The following HSF2 variants were observed in gnomAD, a reference collection of about 807,000 sequenced individuals.
HSF2 encodes heat shock factor protein 2.
Under a neutral mutation model 65.0 loss-of-function variants are expected in HSF2, and 21 were observed. The ratio of observed to expected loss-of-function variants is 0.32; its 90% CI spans 0.23 to 0.47. The LOEUF is 0.47. Ranked by LOEUF, HSF2 falls within the 20% of genes least tolerant of loss-of-function variation. HSF2 has a pLI of 1.00. For synonymous variants in HSF2, 225 were observed against 219.1 expected (o/e 1.03, Z -0.24); for missense variants, 499 against 628.1 (o/e 0.79, Z 2.20).
intron 1 of HSF2, among the ~76,000 whole-genome samples, chr6:122,411,794 A>G (rs1037375791): frequency 4.6e-5 from 7 of 151,990 alleles, no homozygotes; most frequent in Middle Eastern, 3.4e-3. Flanking sequence ...TCAGTATGCC[A>G]GTACCATGCT....
At chr6:122,408,052 C>T (rs900977705) in intron 1 of HSF2, among the ~76,000 whole-genome samples, 61 of 152,064 alleles carry the variant, frequency 4.0e-4, no homozygotes, top group Non-Finnish European at 8.4e-4. Flanking sequence ...ATCTTCATTA[C>T]CTCCTCTGAA....
At chr6:122,401,529 T>A (rs944648261) in intron 1 of HSF2, among the ~76,000 whole-genome samples, 1 of 152,234 alleles carries the variant, frequency 6.6e-6, no homozygotes, top group African/African-American at 2.4e-5. Flanking sequence ...CATTCTTATT[T>A]TCTGAGTACT....
At chr6:122,414,205 T>G (rs1349741118) in intron 4 of HSF2, among the ~76,000 whole-genome samples, 1 of 152,210 alleles carries the variant, frequency 6.6e-6, no homozygotes, top group Non-Finnish European at 1.5e-5. Context: ...TCGTTTTATT[T>G]TACTACATTT....
In HSF2 at chr6:122,399,913, C is replaced by T; in HGVS notation, c.93+83C>T. 3.7e-6 allele frequency: 4 copies of T among 1,090,458 alleles called. No individual in the cohort carries two copies. The South Asian group carries it at 5.1e-5, about 14-fold the overall frequency. The allele number at this position is 1,090,458 out of a possible 1,614,324, so 67.5% of individuals were successfully genotyped here. A position where few individuals can be genotyped will look rare whatever the true frequency, so the allele number is the denominator to read the frequency against. The stretch of plus-strand genomic sequence containing the variant: ...CTCCTGCGGGGTGGTCTCTCGCGGC[C>T]TTGCGGCTCGACGCTGTCTGCGAGG... On this transcript the variant is annotated intron_variant, in intron 1 of 12. Coordinates refer to ENST00000368455, the MANE Select transcript of HSF2 (RefSeq NM_004506.4).
At chr6:122,420,369 T>C in intron 7 of HSF2, 147 bp downstream of exon 7, 1 of 588,280 alleles carries the variant, frequency 1.7e-6, no homozygotes, top group Non-Finnish European at 2.8e-6. Flanking sequence ...TTTTTTATTA[T>C]TTGCTTTAGA....
intron 11 of HSF2, 40 bp from the exon 12 acceptor site, chr6:122,431,390 A>T: frequency 1.0e-6 from 1 of 982,064 alleles, no homozygotes; most frequent in Non-Finnish European, 1.4e-6. Context: ...GAAACATAAA[A>T]TATGAAACAA....
In HSF2 at chr6:122,423,635, G is replaced by A; in HGVS notation, c.1125G>A (p.Gln375=). ...DSIDCSLEDF[Q]AMLSGRQFSI... ...TTGACTGCAGTTTAGAGGACTTCCA[G>A]GCCATGCTATCAGGAAGACAATTTA... is the stretch of plus-strand genomic sequence containing the variant. The change falls in exon 10 of 13, where the codon CAG becomes CAA. Residue 375 remains glutamine (Q), a synonymous_variant. Transcript: ENST00000368455. 6.2e-7 allele frequency: 1 copy of A among 1,611,092 alleles called. No individual in the cohort carries two copies. Among genetic ancestry groups the A allele is most frequent in the Non-Finnish European group, 8.5e-7 (1 of 1,178,212 alleles).
intron 1 of HSF2, among the ~76,000 whole-genome samples, chr6:122,409,650 T>C (rs1296089358): frequency 2.0e-5 from 3 of 152,024 alleles, no homozygotes; most frequent in African/African-American, 7.2e-5. Flanking sequence ...ATTATTTGTT[T>C]TGCTCTACAT....
chr6:122,412,582 A>G (rs550779328), intron 2 of HSF2, 55 bp from the exon 3 acceptor site: 26 of 1,591,436 alleles, frequency 1.6e-5, no homozygotes, highest in Non-Finnish European at 1.7e-6. Context: ...CCATACAAGC[A>G]CCACCAAATT....
At chr6:122,427,848 A>C in intron 10 of HSF2, 55 bp from the exon 11 acceptor site, 6 of 1,364,250 alleles carry the variant, frequency 4.4e-6, no homozygotes, top group Non-Finnish European at 5.1e-6. Flanking sequence ...TTTTGAACAC[A>C]CAATTATTTT....
rs1300663940 is a variant in HSF2, at chr6:122,419,568, A to AT, written c.593+340dup. 2.9e-4 allele frequency among the ~76,000 whole-genome samples: 44 copies of AT among 152,124 alleles called. 1 individual carries two copies. Among genetic ancestry groups the AT allele is most frequent in the Non-Finnish European group, 1.5e-5 (1 of 68,002 alleles). On this transcript the variant is annotated intron_variant, in intron 6 of 12. Transcript: ENST00000368455. ...AAAGAGGCCATATGTTAAAAAAAAA[A>AT]TGAAAATTTGTTTTACTTGACCTCT...
intron 8 of HSF2, among the ~76,000 whole-genome samples, 164 bp from the exon 9 acceptor site, chr6:122,422,554 T>G (rs3823186): frequency 1.3e-5 from 2 of 152,322 alleles, no homozygotes; most frequent in East Asian, 3.9e-4. Context: ...CTTTATGGTC[T>G]TCTATACTAT....
intron 10 of HSF2, among the ~76,000 whole-genome samples, chr6:122,425,998 C>T (rs1192111932): frequency 2.6e-5 from 4 of 151,954 alleles, no homozygotes; most frequent in Non-Finnish European, 5.9e-5. Context: ...CTTCTATTTA[C>T]TTAGGAGGAT....
intron 11 of HSF2, among the ~76,000 whole-genome samples, chr6:122,430,821 A>C (rs1774446257): frequency 6.6e-6 from 1 of 152,166 alleles, no homozygotes; most frequent in African/African-American, 2.4e-5. Flanking sequence ...TACCACAGTC[A>C]GATGTGAGGA....
At chr6:122,427,999 A>T (rs773068452) in intron 11 of HSF2, 43 bp downstream of exon 11, 65 of 1,362,564 alleles carry the variant, frequency 4.8e-5, no homozygotes, top group Non-Finnish European at 6.2e-5. Flanking sequence ...AGCTATAAAA[A>T]TCTACAAAAA....
At chr6:122,422,400 C>A in intron 8 of HSF2, 102 bp downstream of exon 8, 5 of 935,580 alleles carry the variant, frequency 5.3e-6, no homozygotes, top group South Asian at 1.5e-5. Context: ...AATAATCTTT[C>A]TCACATTTGG....
chr6:122,405,975 A>G (rs1461170589), intron 1 of HSF2, among the ~76,000 whole-genome samples: 1 of 152,176 alleles, frequency 6.6e-6, no homozygotes, highest in Non-Finnish European at 1.5e-5. Flanking sequence ...AGTGTTGCTG[A>G]CCACCATTAA....
At position 122,431,357 on chromosome 6, in the gene HSF2, G is replaced by A. The variant is rs1227535406; in HGVS notation, c.1231-73G>A. 5.2e-5 allele frequency: 32 copies of A among 611,700 alleles called. No homozygotes were observed. In the South Asian group the frequency reaches 1.1e-3, roughly 22 times the overall value. 37.9% of individuals were successfully genotyped at this position (611,700 alleles called of 1,614,324 possible). A position where few individuals can be genotyped will look rare whatever the true frequency, so the allele number is the denominator to read the frequency against. On this transcript the variant is annotated intron_variant, in intron 11 of 12. Transcript: ENST00000368455. ...GATAATATACCAGTATTTACATATT[G>A]TATCAATTTTTCATTTTTTTCAGAA...
At chr6:122,412,149 G>C (rs1774011886) in intron 1 of HSF2, among the ~76,000 whole-genome samples, 1 of 151,846 alleles carries the variant, frequency 6.6e-6, no homozygotes, top group African/African-American at 2.4e-5. Context: ...TTTGGTTTGA[G>C]ATATGTTCCT....
Sources: allele counts gnomAD v4.1 joint callset (sites outside exome capture counted in the v4.1 genomes callset), GRCh38; gene constraint gnomAD v4.1.1; transcripts MANE v1.5; gene names NCBI Gene and HGNC (gene_info 2026-07-23, HGNC 2026-07-21).